TCERG1L: variants seen among roughly 807,000 people sequenced by gnomAD.
The protein encoded by TCERG1L is transcription elongation regulator 1 like, also known as transcription elongation regulator 1-like protein.
In TCERG1L, 37 loss-of-function variants were observed where a neutral mutation model predicts 56.3. The observed-to-expected ratio is 0.66, with a 90% CI of 0.51 to 0.87. The LOEUF (loss-of-function observed/expected upper bound fraction) is 0.87. TCERG1L is among the 40% of genes least tolerant of loss of function. The pLI is 0.00. For missense variants in TCERG1L, 799 were observed against 774.2 expected (o/e 1.03, Z -0.38); for synonymous variants, 324 against 326.3 (o/e 0.99, Z 0.08).
Position 131,311,421 on chromosome 10 carries a change from G to T in TCERG1L, c.215C>A (p.Pro72Gln). Residue 72 changes from proline (P) to glutamine (Q), a missense_variant, in exon 1 of 12, where the codon CCG becomes CAG. Transcript: ENST00000368642. The surrounding 1 kb of genome is among the most constrained non-coding windows in gnomAD (Gnocchi z 4.0). ...LLASAPPPAA[P>Q]LLPGLPGWPA... ...CCAGCCGGGGAGACCGGGGAGCAGC[G>T]GGGCCGCGGGCGGCGGGGCCGAGGC... 8.5e-7 allele frequency: 1 copy of T among 1,179,252 alleles called. No homozygotes were observed. The highest frequency in any genetic ancestry group is 1.0e-6 in the Non-Finnish European group (1 of 955,694). The allele number at this position is 1,179,252 out of a possible 1,614,324, so 73.0% of individuals were successfully genotyped here.
intron 8 of TCERG1L, among the ~76,000 whole-genome samples, chr10:131,117,733 C>A (rs569051944): frequency 1.0e-3 from 155 of 152,322 alleles, no homozygotes; most frequent in African/African-American, 3.4e-3. Context: ...CCTACTCCTA[C>A]GGAAGAAATG....
chr10:131,139,346 C>A (rs1416989600), intron 7 of TCERG1L, among the ~76,000 whole-genome samples: 1 of 152,200 alleles, frequency 6.6e-6, no homozygotes, highest in African/African-American at 2.4e-5. Flanking sequence ...AAGCACATGA[C>A]CCAGATGTCC....
At chr10:131,208,239 C>T (rs1022226854) in intron 4 of TCERG1L, among the ~76,000 whole-genome samples, 3 of 152,234 alleles carry the variant, frequency 2.0e-5, no homozygotes, top group Non-Finnish European at 2.9e-5. Flanking sequence ...TCCTCCATGA[C>T]GGATGCCCAG....
At chr10:131,181,670 C>CGGA (rs1321803412) in intron 4 of TCERG1L, among the ~76,000 whole-genome samples, 1 of 152,218 alleles carries the variant, frequency 6.6e-6, no homozygotes, top group African/African-American at 2.4e-5. Flanking sequence ...AACCCTGGCC[C>CGGA]GGAGGAGACC....
chr10:131,098,886 T>G (rs1845276520), intron 10 of TCERG1L, among the ~76,000 whole-genome samples: 1 of 152,172 alleles, frequency 6.6e-6, no homozygotes, highest in Non-Finnish European at 1.5e-5. Context: ...GCTAGTCACT[T>G]CCTAGGGTGA....
intron 9 of TCERG1L, among the ~76,000 whole-genome samples, chr10:131,107,709 G>C (rs1046769309): frequency 2.6e-4 from 39 of 151,506 alleles, no homozygotes; most frequent in Admixed American, 3.9e-4. Flanking sequence ...CATTCCATGG[G>C]GCCACGATTG....
chr10:131,115,614 C>T (rs1285788475), intron 9 of TCERG1L, among the ~76,000 whole-genome samples: 2 of 128,324 alleles, frequency 1.6e-5, no homozygotes, highest in African/African-American at 5.6e-5. Context: ...ACTTTTCCTT[C>T]TGGTTCCCTG....
chr10:131,234,760 G>A (rs2133514132), intron 4 of TCERG1L, among the ~76,000 whole-genome samples: 1 of 152,344 alleles, frequency 6.6e-6, no homozygotes, highest in Admixed American at 6.5e-5. Flanking sequence ...CTGGAGACCA[G>A]TAGCGTGATC....
At chr10:131,174,576 C>G (rs1205031007) in intron 4 of TCERG1L, among the ~76,000 whole-genome samples, 1 of 152,228 alleles carries the variant, frequency 6.6e-6, no homozygotes, top group Non-Finnish European at 1.5e-5. Flanking sequence ...TGAGATCCCA[C>G]AGCACCTCGT....
At chr10:131,168,829 A>G (rs1284491483) in intron 4 of TCERG1L, among the ~76,000 whole-genome samples, 1 of 151,958 alleles carries the variant, frequency 6.6e-6, no homozygotes, top group East Asian at 2.0e-4. Flanking sequence ...TACACTGCAC[A>G]CTCTTCCTTC....
chr10:131,181,213 G>C (rs1213130366), intron 4 of TCERG1L, among the ~76,000 whole-genome samples: 1 of 14,144 alleles, frequency 7.1e-5, no homozygotes, highest in African/African-American at 3.2e-4. Flanking sequence ...GAGGGCCACT[G>C]GGGCCAGAAA....
chr10:131,108,825 T>C lies in TCERG1L; in HGVS notation c.1396-4471A>G, dbSNP rs537688296. On this transcript the variant is annotated intron_variant, in intron 9 of 11. Transcript: ENST00000368642. ...CTGGATGTTGCGAGAATTCAGGTCT[T>C]GTGGTTGCAGGGCTGAAGTTTTCCA... Among the ~76,000 whole-genome samples, 11 of 152,302 alleles carry C rather than the reference T, an allele frequency of 7.2e-5. No individual in the cohort carries two copies. The East Asian group carries it at 2.1e-3, about 29-fold the overall frequency.
At chr10:131,273,180 G>A (rs1456351087) in intron 3 of TCERG1L, among the ~76,000 whole-genome samples, 2 of 152,286 alleles carry the variant, frequency 1.3e-5, no homozygotes, top group African/African-American at 4.8e-5. Context: ...CCATGGCAAT[G>A]GGTCCTGGAC....
chr10:131,126,461 C>T (rs970784025), intron 8 of TCERG1L, among the ~76,000 whole-genome samples: 2 of 152,160 alleles, frequency 1.3e-5, no homozygotes, highest in Non-Finnish European at 2.9e-5. Context: ...CTGGTGGCCT[C>T]GTTCTGGCTG....
At chr10:131,139,773 T>C (rs1216018706) in intron 7 of TCERG1L, among the ~76,000 whole-genome samples, 3 of 138,146 alleles carry the variant, frequency 2.2e-5, no homozygotes, top group African/African-American at 7.8e-5. Context: ...TGTATGTATA[T>C]GTGTGTCTGT....
At chr10:131,097,302 T>C (rs1479374404) in intron 11 of TCERG1L, among the ~76,000 whole-genome samples, 1 of 152,028 alleles carries the variant, frequency 6.6e-6, no homozygotes, top group Non-Finnish European at 1.5e-5. Context: ...CTTACGAAAC[T>C]TACAGTTTTA....
At chr10:131,149,219 C>G (rs1369426282) in intron 6 of TCERG1L, among the ~76,000 whole-genome samples, 5 of 152,272 alleles carry the variant, frequency 3.3e-5, no homozygotes, top group South Asian at 2.1e-4. Flanking sequence ...ATGCCAGGTC[C>G]TGCCCTCAGG....
At chr10:131,263,914 C>T (rs1247295298) in intron 3 of TCERG1L, among the ~76,000 whole-genome samples, 3 of 152,122 alleles carry the variant, frequency 2.0e-5, no homozygotes, top group Non-Finnish European at 2.9e-5. Flanking sequence ...TCTGAGTGAG[C>T]GCAAAAGTTA....
intron 9 of TCERG1L, among the ~76,000 whole-genome samples, chr10:131,109,655 C>T (rs907893009): frequency 3.3e-5 from 5 of 152,198 alleles, no homozygotes; most frequent in Admixed American, 2.6e-4. Context: ...TGTCCCTCCG[C>T]CCTGTCTGAA....
Sources: gnomAD v4.1 joint callset for allele counts (sites outside exome capture counted in the v4.1 genomes callset) on GRCh38, gnomAD v4.1.1 for gene constraint, Gnocchi (gnomAD v3.1) non-coding constraint, MANE v1.5 for transcripts, NCBI Gene and HGNC (gene_info 2026-07-23, HGNC 2026-07-21) for gene names.